The following IRAG2 variants were observed in gnomAD, a reference collection of about 807,000 sequenced individuals.
IRAG2 encodes the protein lymphoid restricted membrane protein.
A neutral mutation model predicts 69.9 loss-of-function variants in IRAG2; 45 were observed. The ratio of observed to expected loss-of-function variants is 0.64; its 90% CI spans 0.51 to 0.83. The LOEUF is 0.83. IRAG2 is among the 40% of genes least tolerant of loss of function. The pLI, the probability that IRAG2 is intolerant of heterozygous loss-of-function variation, is 0.00. For synonymous variants in IRAG2, 193 were observed against 202.4 expected (o/e 0.95, Z 0.40); for missense variants, 520 against 587.0 (o/e 0.89, Z 1.18).
intron 1 of IRAG2, among the ~76,000 whole-genome samples, chr12:25,061,320 T>C (rs1945621835): frequency 6.6e-6 from 1 of 151,860 alleles, no homozygotes; most frequent in Non-Finnish European, 1.5e-5. Context: ...AACTCAGGAG[T>C]TTGAGACCAG....
At chr12:25,017,659 A>G (rs1004569657) in intron 6 of IRAG2, among the ~76,000 whole-genome samples, 1 of 152,026 alleles carries the variant, frequency 6.6e-6, no homozygotes, top group Non-Finnish European at 1.5e-5. Context: ...CAGAAGTTGC[A>G]GTAAGCCAAG....
intron 16 of IRAG2, among the ~76,000 whole-genome samples, chr12:25,039,404 G>C (rs1944728878): frequency 6.6e-6 from 1 of 152,190 alleles, no homozygotes; most frequent in African/African-American, 2.4e-5. Flanking sequence ...TCCTTACACA[G>C]ATACCGTCTC....
chr12:25,076,053 T>A (rs1416070165), intron 6 of IRAG2, among the ~76,000 whole-genome samples: 1 of 152,030 alleles, frequency 6.6e-6, no homozygotes, highest in African/African-American at 2.4e-5. Flanking sequence ...TTTCATGAAC[T>A]GTTGTCCTAA....
At chr12:25,005,188 T>A in intron 1 of IRAG2, 1 of 906,164 alleles carries the variant, frequency 1.1e-6, no homozygotes, top group Non-Finnish European at 1.4e-6. Context: ...AAAGGAAAAT[T>A]AATCATTATA....
intron 2 of IRAG2, among the ~76,000 whole-genome samples, chr12:25,006,767 C>T (rs1308889433): frequency 1.3e-5 from 2 of 152,090 alleles, no homozygotes; most frequent in African/African-American, 2.4e-5. Context: ...ATATTATGCT[C>T]AGTACGTGGG....
chr12:25,083,553 C>T, intron 10 of IRAG2, 60 bp downstream of exon 10: 4 of 1,010,528 alleles, frequency 4.0e-6, no homozygotes, highest in Non-Finnish European at 6.2e-6. Flanking sequence ...TAGAACTATC[C>T]CTCTAAAAAG....
chr12:25,052,042 G>A (rs1012519472), upstream of IRAG2, among the ~76,000 whole-genome samples: 1 of 152,092 alleles, frequency 6.6e-6, no homozygotes, highest in Admixed American at 6.5e-5. Context: ...CAGGCTAAGC[G>A]ACCAATAAGC....
At chr12:25,094,825 C>A (rs1948316499) in intron 14 of IRAG2, among the ~76,000 whole-genome samples, 1 of 151,854 alleles carries the variant, frequency 6.6e-6, no homozygotes, top group East Asian at 1.9e-4. Flanking sequence ...GTATTTTATT[C>A]ATTTTGATGC....
chr12:25,050,696 A>G (rs1944847778), upstream of IRAG2, among the ~76,000 whole-genome samples: 1 of 152,230 alleles, frequency 6.6e-6, no homozygotes, highest in African/African-American at 2.4e-5. Context: ...TCACTGCGGC[A>G]TTATTCTCAA....
intron 4 of IRAG2, 76 bp downstream of exon 4, chr12:25,063,892 T>C: frequency 2.5e-6 from 1 of 398,712 alleles, no homozygotes; most frequent in Non-Finnish European, 4.4e-6. Flanking sequence ...AACTAGTTAT[T>C]ATTACATTTG....
At chr12:25,063,510 A>G (rs540004525) in intron 3 of IRAG2, among the ~76,000 whole-genome samples, 128 of 152,364 alleles carry the variant, frequency 8.4e-4, no homozygotes, top group Non-Finnish European at 1.6e-3. Flanking sequence ...TGTGACTTTT[A>G]AATAAGAATC....
At chr12:25,072,507 A>C (rs1161087374) in intron 6 of IRAG2, among the ~76,000 whole-genome samples, 1 of 152,194 alleles carries the variant, frequency 6.6e-6, no homozygotes, top group Non-Finnish European at 1.5e-5. Flanking sequence ...TACTCACATT[A>C]TCTCTTAAGA....
chr12:25,038,279 A>ACTTCAAACG (rs1944717649), intron 16 of IRAG2: 1 of 391,834 alleles, frequency 2.6e-6, no homozygotes, highest in African/African-American at 2.1e-5. Context: ...ATTCTGTTTG[A>ACTTCAAACG]TAATTCTGAA....
chr12:25,035,438 G>C (rs1944695710), intron 13 of IRAG2: 1 of 369,452 alleles, frequency 2.7e-6, no homozygotes, highest in Non-Finnish European at 4.8e-6. Flanking sequence ...TATTGATAAT[G>C]AGTTTTCCTT....
intron 20 of IRAG2, among the ~76,000 whole-genome samples, chr12:25,105,824 A>ATATT (rs1949054305): frequency 6.6e-6 from 1 of 152,186 alleles, no homozygotes; most frequent in Non-Finnish European, 1.5e-5. Flanking sequence ...AAAGTCTATC[A>ATATT]TATTTATTTC....
At chr12:25,089,130 TGC>T (rs1947851195) in intron 11 of IRAG2, among the ~76,000 whole-genome samples, 1 of 152,230 alleles carries the variant, frequency 6.6e-6, no homozygotes, top group Admixed American at 6.5e-5. Context: ...TAAAATGCTT[TGC>T]TCTGTGATTG....
At chr12:25,052,688 G>A, upstream of IRAG2, 1 of 397,800 alleles carries the variant, frequency 2.5e-6, no homozygotes, top group Non-Finnish European at 4.4e-6. Context: ...ACTTCCCTGA[G>A]AAGAAAAACA....
intron 9 of IRAG2, among the ~76,000 whole-genome samples, chr12:25,082,989 T>C (rs139338004): frequency 1.3e-5 from 2 of 152,326 alleles, no homozygotes; most frequent in Admixed American, 1.3e-4. Flanking sequence ...AAAGCTACCA[T>C]GTTTTAGAAG....
At chr12:24,998,466 AAG>A in the IRAG2 span, among the ~76,000 whole-genome samples, 4 of 152,206 alleles carry the variant, frequency 2.6e-5, no homozygotes, top group Admixed American at 2.6e-4. Context: ...AGTAGTCACA[AAG>A]AGAATGAAAA....
Sources: allele counts gnomAD v4.1 joint callset (sites outside exome capture counted in the v4.1 genomes callset), GRCh38; gene constraint gnomAD v4.1.1; transcripts MANE v1.5; gene names NCBI Gene and HGNC (gene_info 2026-07-23, HGNC 2026-07-21).